ZNF248: variants seen among roughly 807,000 people sequenced by gnomAD.
The protein encoded by ZNF248 is zinc finger protein 248.
ZNF248 carries 20 observed loss-of-function variants against 44.3 expected under a neutral mutation model. The observed-to-expected ratio is 0.45, with a 90% CI of 0.32 to 0.66. The LOEUF (loss-of-function observed/expected upper bound fraction) is 0.66, where lower values mean the gene tolerates loss of function less well. Among genes scored for constraint, ZNF248 ranks in the 30% least tolerant of loss-of-function variants. ZNF248 has a pLI of 0.04. For synonymous variants in ZNF248, 224 were observed against 229.0 expected, an observed-to-expected ratio of 0.98 and a Z score of 0.20; for missense variants, 654 against 677.0, an observed-to-expected ratio of 0.97 and a Z score of 0.38.
chr10:37,820,547 G>A, intron 6 of ZNF248: 6 of 1,602,132 alleles, frequency 3.7e-6, no homozygotes, highest in Non-Finnish European at 5.1e-6. Context: ...ACTTCTGCCA[G>A]GGCTGGTCCC....
chr10:37,777,264 G>T (rs1331646646), intron 6 of ZNF248, among the ~76,000 whole-genome samples: 1 of 152,166 alleles, frequency 6.6e-6, no homozygotes. Context: ...ACAAAATTAT[G>T]TAAAACAGCT....
intron 3 of ZNF248, among the ~76,000 whole-genome samples, chr10:37,839,256 T>C (rs2057848327): frequency 6.6e-6 from 1 of 152,204 alleles, no homozygotes; most frequent in South Asian, 2.1e-4. Flanking sequence ...GTTAAGTGTG[T>C]TCTGTGAGAC....
chr10:37,792,716 A>G (rs1386741085), intron 6 of ZNF248, among the ~76,000 whole-genome samples: 7 of 152,192 alleles, frequency 4.6e-5, no homozygotes, highest in African/African-American at 1.7e-4. Context: ...TATGATTGTA[A>G]GAAAACATTA....
At chr10:37,787,042 G>A (rs1031613874) in intron 6 of ZNF248, among the ~76,000 whole-genome samples, 2 of 152,156 alleles carry the variant, frequency 1.3e-5, no homozygotes, top group African/African-American at 4.8e-5. Flanking sequence ...CACTTTGGGA[G>A]GCTGAGCCAG....
At chr10:37,819,156 T>C (rs2053056763) in intron 6 of ZNF248, 5 of 785,078 alleles carry the variant, frequency 6.4e-6, no homozygotes, top group African/African-American at 5.1e-5. Flanking sequence ...TCATAGTGTA[T>C]GATGGGAGGT....
the ZNF248 span, among the ~76,000 whole-genome samples, chr10:37,766,046 A>G: frequency 2.0e-5 from 3 of 152,262 alleles, no homozygotes. Context: ...GCAAGGTGGC[A>G]GCAACGCTGC....
chr10:37,834,050 T>A (rs537287257), intron 5 of ZNF248, among the ~76,000 whole-genome samples: 1 of 152,112 alleles, frequency 6.6e-6, no homozygotes, highest in African/African-American at 2.4e-5. Context: ...TCATCCCTAA[T>A]AACATACCTT....
chr10:37,816,361 T>G (rs1564523264), intron 6 of ZNF248, among the ~76,000 whole-genome samples: 1 of 152,234 alleles, frequency 6.6e-6, no homozygotes, highest in Non-Finnish European at 1.5e-5. Context: ...GGGTCCTTAA[T>G]GCCTATCCTG....
At chr10:37,793,585 A>C (rs554408074) in intron 6 of ZNF248, among the ~76,000 whole-genome samples, 2 of 152,270 alleles carry the variant, frequency 1.3e-5, no homozygotes, top group South Asian at 4.1e-4. Flanking sequence ...CAGTGGGTCT[A>C]GTTCTAATGA....
intron 3 of ZNF248, among the ~76,000 whole-genome samples, chr10:37,848,497 C>T (rs943690831): frequency 8.6e-5 from 13 of 151,610 alleles, no homozygotes; most frequent in African/African-American, 2.7e-4. Flanking sequence ...GCAGGAGAAT[C>T]GCTTGAACCC....
chr10:37,777,447 G>C (rs529475046), intron 6 of ZNF248, among the ~76,000 whole-genome samples: 1 of 151,360 alleles, frequency 6.6e-6, no homozygotes, highest in Non-Finnish European at 1.5e-5. Flanking sequence ...ATACAATTTG[G>C]CTTCCAGCCC....
At chr10:37,766,219 G>A in the ZNF248 span, among the ~76,000 whole-genome samples, 2 of 152,238 alleles carry the variant, frequency 1.3e-5, no homozygotes, top group African/African-American at 4.8e-5. Flanking sequence ...AGTAACCTCT[G>A]CAGACTTAAA....
At chr10:37,827,608 G>A (rs892789121), downstream of ZNF248, among the ~76,000 whole-genome samples, 4 of 152,188 alleles carry the variant, frequency 2.6e-5, no homozygotes, top group South Asian at 2.1e-4. Flanking sequence ...AAAGGGAGGA[G>A]GTTGAGTGTG....
downstream of ZNF248, among the ~76,000 whole-genome samples, chr10:37,774,102 T>G (rs1255829369): frequency 6.6e-6 from 1 of 152,054 alleles, no homozygotes; most frequent in African/African-American, 2.4e-5. Flanking sequence ...CATCTTAAAG[T>G]TTTTCCTCCA....
chr10:37,803,255 T>C (rs1322715068), intron 6 of ZNF248: 1 of 152,200 alleles, frequency 6.6e-6, no homozygotes, highest in Non-Finnish European at 1.5e-5. Flanking sequence ...GGAACAATGA[T>C]GCATCTCCAC....
intron 6 of ZNF248, chr10:37,819,674 A>C (rs1178568853): frequency 1.3e-6 from 1 of 794,434 alleles, no homozygotes; most frequent in African/African-American, 1.7e-5. Context: ...CTCCTTTTTA[A>C]GATGACCTAA....
intron 6 of ZNF248, among the ~76,000 whole-genome samples, chr10:37,781,277 G>A (rs983484804): frequency 8.5e-5 from 13 of 152,134 alleles, no homozygotes; most frequent in African/African-American, 3.1e-4. Flanking sequence ...GGGAGCCCAC[G>A]TGAGTGACAG....
chr10:37,808,278 CTTTT>C lies in ZNF248; in HGVS notation c.330+24743_330+24746del, dbSNP rs796239232. ...TTGGTCATGGTATATAACCTTTTTTCTTTTTTTTTTTTTTTCTGAGACAGAATCT... is the reference window on the plus strand; with the variant it reads ...TTGGTCATGGTATATAACCTTTTTTCTTTTTTTTTTTCTGAGACAGAATCT... On this transcript the variant is annotated intron_variant, in intron 6 of 6. Coordinates refer to the ZNF248 transcript ENST00000615949. 1.2e-4 allele frequency among the ~76,000 whole-genome samples: 16 copies of C among 137,598 alleles called. 1 individual carries two copies. In the South Asian group the frequency reaches 3.2e-3, roughly 28 times the overall value. The allele number at this position is 137,598 out of a possible 152,430, so 90.3% of individuals were successfully genotyped here. A position where few individuals can be genotyped will look rare whatever the true frequency, so the allele number is the denominator to read the frequency against.
intron 3 of ZNF248, among the ~76,000 whole-genome samples, chr10:37,853,474 T>C (rs2134912853): frequency 6.6e-6 from 1 of 152,218 alleles, no homozygotes; most frequent in South Asian, 2.1e-4. Flanking sequence ...TCCTCCCAGG[T>C]TCACTCCATT....
Sources: allele counts gnomAD v4.1 joint callset (sites outside exome capture counted in the v4.1 genomes callset), GRCh38; gene constraint gnomAD v4.1.1; transcripts MANE v1.5; gene names NCBI Gene and HGNC (gene_info 2026-07-23, HGNC 2026-07-21).